Variants in EML1 observed in about 807,000 individuals in gnomAD.
The protein encoded by EML1 is echinoderm microtubule-associated protein-like 1.
In EML1, 27 loss-of-function variants were observed where a neutral mutation model predicts 110.4. The ratio of observed to expected loss-of-function variants is 0.24; its 90% CI spans 0.18 to 0.34. The LOEUF is 0.34. Among genes scored for constraint, EML1 ranks in the 10% least tolerant of loss-of-function variants. The pLI, the probability that EML1 is intolerant of heterozygous loss-of-function variation, is 1.00. For synonymous variants in EML1, 344 were observed against 385.8 expected (o/e 0.89, Z 1.27); for missense variants, 741 against 1,030.9 (o/e 0.72, Z 3.85).
At chr14:99,840,156 T>G (rs531384316) in intron 1 of EML1, among the ~76,000 whole-genome samples, 1 of 152,258 alleles carries the variant, frequency 6.6e-6, no homozygotes, top group Admixed American at 6.5e-5. Flanking sequence ...TATCTGCAAA[T>G]TATTGAGCAA....
At chr14:99,891,122 T>G in intron 4 of EML1, 77 bp from the exon 5 acceptor site, 1 of 1,561,380 alleles carries the variant, frequency 6.4e-7, no homozygotes, top group Non-Finnish European at 8.8e-7. Context: ...ACTGCAGCCG[T>G]GGCTTTGGGG....
chr14:99,933,094 G>A (rs981517718), intron 17 of EML1, among the ~76,000 whole-genome samples: 3 of 152,154 alleles, frequency 2.0e-5, no homozygotes, highest in Non-Finnish European at 2.9e-5. Flanking sequence ...GTGACACAGC[G>A]AGACCCCATC....
chr14:99,813,137 A>G (rs1057134556), intron 1 of EML1, among the ~76,000 whole-genome samples: 1 of 152,108 alleles, frequency 6.6e-6, no homozygotes, highest in Non-Finnish European at 1.5e-5. Flanking sequence ...CAGAAGGATT[A>G]TGGGTATGGC....
At chr14:99,848,891 G>A (rs1450975590) in intron 1 of EML1, among the ~76,000 whole-genome samples, 1 of 151,938 alleles carries the variant, frequency 6.6e-6, no homozygotes, top group Non-Finnish European at 1.5e-5. Context: ...TGAGCCTAGG[G>A]AGTGAAGGCT....
intron 17 of EML1, among the ~76,000 whole-genome samples, chr14:99,932,183 C>T (rs2060382848): frequency 6.6e-6 from 1 of 152,174 alleles, no homozygotes; most frequent in African/African-American, 2.4e-5. Context: ...AGCCGGTTCC[C>T]CTCTGCAGGG....
chr14:99,812,872 TAA>T (rs971771747), intron 1 of EML1, among the ~76,000 whole-genome samples: 2 of 152,200 alleles, frequency 1.3e-5, no homozygotes, highest in Non-Finnish European at 2.9e-5. Context: ...AGTAAACAGA[TAA>T]AGTGTTTCTA....
chr14:99,874,800 C>A, intron 3 of EML1: 1 of 651,366 alleles, frequency 1.5e-6, no homozygotes, highest in Non-Finnish European at 2.4e-6. Context: ...TCTATATTTG[C>A]GAACCAAAAT....
chr14:99,884,149 C>T lies in EML1; in HGVS notation c.518+5530C>T, dbSNP rs1172063327. Reference sequence around the variant, plus strand: ...CCTCAGTGCAGAGCTGGTCTGCGGTCGGCTCGCCACAGTGGCAGCTGTGAG... The same window carrying T: ...CCTCAGTGCAGAGCTGGTCTGCGGTTGGCTCGCCACAGTGGCAGCTGTGAG... On this transcript the variant is annotated intron_variant, in intron 4 of 21. Coordinates refer to ENST00000262233, the MANE Select transcript of EML1 (RefSeq NM_004434.3). 2.6e-5 allele frequency among the ~76,000 whole-genome samples: 4 copies of T among 152,286 alleles called. No individual in the cohort carries two copies. In the East Asian group the frequency reaches 5.8e-4, roughly 22 times the overall value.
In EML1 at chr14:99,936,186, G is replaced by A. The variant is rs1178794008; in HGVS notation, c.2007+60G>A. On this transcript the variant is annotated intron_variant, in intron 18 of 21. Transcript: ENST00000262233. This position sits in a 1 kb window ranked among gnomAD's most constrained non-coding sequence, Gnocchi z 5.5. ...CACTGCGTATAGTTTAACTACCGTG[G>A]AACAGTGTTGGCAGGGACTTCTAAG... 2 of 1,612,606 alleles carry A rather than the reference G, an allele frequency of 1.2e-6. No homozygotes were observed. The highest frequency in any genetic ancestry group is 1.7e-6 in the Non-Finnish European group (2 of 1,178,744).
intron 9 of EML1, among the ~76,000 whole-genome samples, chr14:99,902,550 G>A (rs1405676280): frequency 6.6e-6 from 1 of 152,112 alleles, no homozygotes; most frequent in Non-Finnish European, 1.5e-5. Flanking sequence ...AACCATAACA[G>A]GACTGATTAG....
chr14:99,911,129 G>C (rs1347466277), intron 12 of EML1, among the ~76,000 whole-genome samples: 1 of 152,134 alleles, frequency 6.6e-6, no homozygotes, highest in Non-Finnish European at 1.5e-5. Context: ...TTTGTCCAGA[G>C]AAACAGCTCA....
At chr14:99,859,017 C>CA (rs1411696969) in intron 2 of EML1, among the ~76,000 whole-genome samples, 1 of 152,070 alleles carries the variant, frequency 6.6e-6, no homozygotes, top group South Asian at 2.1e-4. Context: ...AACTTAATAT[C>CA]AAAAAAATGC....
At chr14:99,911,210 C>A (rs1027747896) in intron 12 of EML1, among the ~76,000 whole-genome samples, 1 of 152,160 alleles carries the variant, frequency 6.6e-6, no homozygotes, top group African/African-American at 2.4e-5. Context: ...GCGGCTTCAA[C>A]AATGCATATT....
At chr14:99,743,198 A>G (rs1037330244) in intron 1 of EML1, among the ~76,000 whole-genome samples, 2 of 152,298 alleles carry the variant, frequency 1.3e-5, no homozygotes, top group African/African-American at 2.4e-5. Flanking sequence ...GGGCATGGTG[A>G]GCTGGGGCTC....
At chr14:99,873,730 G>A (rs577615231) in intron 3 of EML1, among the ~76,000 whole-genome samples, 19 of 152,328 alleles carry the variant, frequency 1.2e-4, no homozygotes, top group East Asian at 3.9e-4. Flanking sequence ...GGATTTTGCC[G>A]AAGATCAGTT....
chr14:99,866,711 C>T lies in EML1; in HGVS notation c.383+1065C>T, dbSNP rs2059109223. On this transcript the variant is annotated intron_variant, in intron 3 of 21. Transcript: ENST00000262233. ...CCCATTAAATAGTAACTCCCCTCTACTCTCCCCACTGCCCTTGGCAACCAC... is the reference window on the plus strand; with the variant it reads ...CCCATTAAATAGTAACTCCCCTCTATTCTCCCCACTGCCCTTGGCAACCAC... 3.3e-5 allele frequency among the ~76,000 whole-genome samples: 5 copies of T among 151,518 alleles called. No individual in the cohort carries two copies. The South Asian group carries it at 1.0e-3, about 32-fold the overall frequency.
chr14:99,844,155 A>G (rs1473510254), intron 1 of EML1, among the ~76,000 whole-genome samples: 1 of 152,180 alleles, frequency 6.6e-6, no homozygotes, highest in Non-Finnish European at 1.5e-5. Context: ...TATAATAGCA[A>G]CCAATCCCAA....
At position 99,939,882 on chromosome 14, in the gene EML1, G is replaced by A; in HGVS notation, c.2323-105G>A. The stretch of plus-strand genomic sequence containing the variant: ...CCCAAGTGAGAGCTGCCGAGCGGAG[G>A]GCGAGTAAAGGAATTAAGGCATGCA... On this transcript the variant is annotated intron_variant, in intron 21 of 21. Transcript: ENST00000262233. This position sits in a 1 kb window ranked among gnomAD's most constrained non-coding sequence, Gnocchi z 4.2. 3 of 1,372,518 alleles carry A rather than the reference G, an allele frequency of 2.2e-6. No homozygotes were observed. The highest frequency in any genetic ancestry group is 1.9e-6 in the Non-Finnish European group (2 of 1,037,888). The allele number at this position is 1,372,518 out of a possible 1,614,324, so 85.0% of individuals were successfully genotyped here.
intron 15 of EML1, chr14:99,915,186 G>A (rs2060012638): frequency 1.1e-5 from 2 of 188,820 alleles, no homozygotes; most frequent in Admixed American, 6.4e-5. Context: ...GCCAAGGCAG[G>A]CAGATCACCT....
Sources: allele counts gnomAD v4.1 joint callset (sites outside exome capture counted in the v4.1 genomes callset), GRCh38; gene constraint gnomAD v4.1.1; non-coding constraint Gnocchi (gnomAD v3.1); transcripts MANE v1.5; gene names NCBI Gene and HGNC (gene_info 2026-07-23, HGNC 2026-07-21).